RBFOX1: variants seen among roughly 807,000 people sequenced by gnomAD.
RBFOX1 encodes RNA binding fox-1 homolog 1, also known as RNA binding protein fox-1 homolog 1.
RBFOX1 carries 8 observed loss-of-function variants against 57.7 expected under a neutral mutation model. That is an observed-to-expected ratio of 0.14 (90% CI 0.08 to 0.25). RBFOX1 has a LOEUF of 0.25. Ranked by LOEUF, RBFOX1 falls within the 10% of genes least tolerant of loss-of-function variation. The probability of loss-of-function intolerance (pLI) is 1.00; values close to 1 mark genes in which losing one functional copy is unlikely to be tolerated. For missense variants in RBFOX1, 611 were observed against 548.5 expected (o/e 1.11, Z -1.14); for synonymous variants, 326 against 222.4 (o/e 1.47, Z -4.15).
At chr16:5,425,400 G>A (rs564222239) in intron 1 of RBFOX1, among the ~76,000 whole-genome samples, 3 of 152,042 alleles carry the variant, frequency 2.0e-5, no homozygotes, top group Non-Finnish European at 2.9e-5. Flanking sequence ...CACCGCGCCC[G>A]GCCAGCATGT....
At chr16:6,237,358 A>C (rs1330186224) in intron 1 of RBFOX1, among the ~76,000 whole-genome samples, 2 of 152,188 alleles carry the variant, frequency 1.3e-5, no homozygotes, top group African/African-American at 4.8e-5. Context: ...TCATCCTTAT[A>C]TGGCCAGGTC....
intron 2 of RBFOX1, among the ~76,000 whole-genome samples, chr16:5,512,602 C>T (rs34074350): frequency 0.17 from 25,726 of 151,990 alleles, 2,155 homozygotes; most frequent in African/African-American, 0.22. Flanking sequence ...TTAGTTGTTG[C>T]TGTTGTTTTA....
At chr16:7,551,075 C>T (rs150206375) in intron 5 of RBFOX1, among the ~76,000 whole-genome samples, 1 of 96,066 alleles carries the variant, frequency 1.0e-5, no homozygotes, top group African/African-American at 4.1e-5. Flanking sequence ...GCCTGGGCAA[C>T]AAGAGCGAGA....
At chr16:7,109,848 G>C (rs912860536) in intron 4 of RBFOX1, among the ~76,000 whole-genome samples, 1 of 152,138 alleles carries the variant, frequency 6.6e-6, no homozygotes, top group Non-Finnish European at 1.5e-5. Context: ...ATGAGGTGAG[G>C]TGCTAGGACC....
intron 1 of RBFOX1, among the ~76,000 whole-genome samples, chr16:5,402,837 A>T (rs1596875647): frequency 6.6e-6 from 1 of 151,994 alleles, no homozygotes; most frequent in South Asian, 2.1e-4. Context: ...TCTCCCTCCA[A>T]CCGTCCATCC....
intron 4 of RBFOX1, among the ~76,000 whole-genome samples, chr16:7,310,282 T>TGTG (rs775408659): frequency 2.1e-4 from 32 of 152,258 alleles, no homozygotes; most frequent in Non-Finnish European, 4.0e-4. Context: ...GGAAAGAGCT[T>TGTG]GTGTGGTTGG....
At chr16:7,400,353 A>G (rs1437895877) in intron 4 of RBFOX1, among the ~76,000 whole-genome samples, 1 of 152,160 alleles carries the variant, frequency 6.6e-6, no homozygotes, top group Non-Finnish European at 1.5e-5. Flanking sequence ...CACTGAACCC[A>G]TCTTTAAGGA....
intron 4 of RBFOX1, among the ~76,000 whole-genome samples, chr16:5,938,701 C>G (rs1016164905): frequency 2.0e-5 from 3 of 152,072 alleles, no homozygotes; most frequent in Admixed American, 1.3e-4. Context: ...GAGGAATAGC[C>G]TGGTTGCTTC....
In RBFOX1 at chr16:5,609,640, C is replaced by A. The variant is rs192375976; in HGVS notation, c.318+10679C>A. Reference sequence around the variant, plus strand: ...GGGACCCTGTGACCTGCATCCAAACCCTCATGTACAAGGCAGCCCCCAGTG... The same window carrying A: ...GGGACCCTGTGACCTGCATCCAAACACTCATGTACAAGGCAGCCCCCAGTG... On this transcript the variant is annotated intron_variant, in intron 3 of 19. Transcript: ENST00000641259. Among the ~76,000 whole-genome samples, 18 of 152,326 alleles carry A rather than the reference C, an allele frequency of 1.2e-4. 1 individual carries two copies. Among genetic ancestry groups the A allele is most frequent in the African/African-American group, 4.3e-4 (18 of 41,574 alleles).
intron 1 of RBFOX1, among the ~76,000 whole-genome samples, chr16:5,297,675 T>C (rs1323196242): frequency 6.6e-6 from 1 of 152,222 alleles, no homozygotes; most frequent in Non-Finnish European, 1.5e-5. Context: ...GCAAATATTT[T>C]CTCCCATCCC....
At position 6,184,524 on chromosome 16, in the gene RBFOX1, AAGAG is replaced by A. The variant is rs1169963539; in HGVS notation, c.-126-132464_-126-132461del. ...GTAATGGTTTGAACGTGAGATGTGA[AAGAG>A]AGAGAGGGGTCAGTGTTTACTATGG... is the stretch of plus-strand genomic sequence containing the variant. On this transcript the variant is annotated intron_variant, in intron 1 of 15. Transcript: ENST00000550418. Among the ~76,000 whole-genome samples the A allele has an allele frequency of 2.0e-5, 3 of 152,062 alleles. No individual in the cohort carries two copies. In the South Asian group the frequency reaches 6.2e-4, roughly 32 times the overall value.
At chr16:7,177,295 G>A (rs1380867349) in intron 4 of RBFOX1, among the ~76,000 whole-genome samples, 1 of 152,064 alleles carries the variant, frequency 6.6e-6, no homozygotes, top group African/African-American at 2.4e-5. Flanking sequence ...AGTTCTACAA[G>A]CAAACAAACA....
chr16:6,580,790 C>T (rs577559639), intron 2 of RBFOX1, among the ~76,000 whole-genome samples: 2 of 152,126 alleles, frequency 1.3e-5, no homozygotes, highest in South Asian at 4.1e-4. Flanking sequence ...AGTTTAGATT[C>T]AGACACAGAT....
At chr16:5,986,071 T>G (rs1316612015) in intron 4 of RBFOX1, among the ~76,000 whole-genome samples, 6 of 151,896 alleles carry the variant, frequency 4.0e-5, no homozygotes, top group African/African-American at 1.5e-4. Context: ...TTTTTTTTTT[T>G]TTGTTTTCCA....
At chr16:6,925,049 G>A (rs1223465556) in intron 3 of RBFOX1, among the ~76,000 whole-genome samples, 1 of 142,566 alleles carries the variant, frequency 7.0e-6, no homozygotes, top group African/African-American at 2.6e-5. Context: ...AATATTCCAT[G>A]GTGTATATGT....
At chr16:7,248,281 C>T (rs947723633) in intron 4 of RBFOX1, among the ~76,000 whole-genome samples, 1 of 152,188 alleles carries the variant, frequency 6.6e-6, no homozygotes, top group Non-Finnish European at 1.5e-5. Flanking sequence ...CAAATTCTTG[C>T]TGCCTTTCCT....
At chr16:6,486,307 A>G (rs1015038555) in intron 2 of RBFOX1, among the ~76,000 whole-genome samples, 2 of 152,020 alleles carry the variant, frequency 1.3e-5, no homozygotes, top group Non-Finnish European at 2.9e-5. Flanking sequence ...CATCTAGTGA[A>G]GAACAAACTT....
intron 4 of RBFOX1, among the ~76,000 whole-genome samples, chr16:7,222,484 C>T (rs1603347301): frequency 6.6e-6 from 1 of 152,142 alleles, no homozygotes; most frequent in African/African-American, 2.4e-5. Flanking sequence ...GTTGGCAATG[C>T]AAGGAAGTGA....
rs79171761 is a variant in RBFOX1, at chr16:6,573,539, C to G, written c.-63-81064C>G. ...CTGTGAGTGCAAATCTCTGATATTC[C>G]TGCATCTCCCCATCCATCTTATTTT... On this transcript the variant is annotated intron_variant, in intron 2 of 15. Coordinates refer to ENST00000550418, the MANE Select transcript of RBFOX1 (RefSeq NM_018723.4). Among the ~76,000 whole-genome samples the G allele has an allele frequency of 6.1e-3, 925 of 152,332 alleles. 5 individuals carry two copies. The highest frequency in any genetic ancestry group is 0.012 in the South Asian group (59 of 4,824).
Sources: allele counts gnomAD v4.1 joint callset (sites outside exome capture counted in the v4.1 genomes callset), GRCh38; gene constraint gnomAD v4.1.1; transcripts MANE v1.5; gene names NCBI Gene and HGNC (gene_info 2026-07-23, HGNC 2026-07-21).